Variants in ZFHX4 observed in about 807,000 individuals in gnomAD.
The protein encoded by ZFHX4 is zinc finger homeobox 4.
ZFHX4 carries 56 observed loss-of-function variants against 267.6 expected under a neutral mutation model. The ratio of observed to expected loss-of-function variants is 0.21; its 90% CI spans 0.17 to 0.26. The LOEUF (loss-of-function observed/expected upper bound fraction) is 0.26. ZFHX4 is among the 10% of genes least tolerant of loss of function. ZFHX4 has a pLI of 1.00. For synonymous variants in ZFHX4, 1,778 were observed against 1,665.6 expected (o/e 1.07, Z -1.64); for missense variants, 4,332 against 4,420.0 (o/e 0.98, Z 0.56).
At chr8:76,702,437 C>T (rs1409428683) in intron 1 of ZFHX4, among the ~76,000 whole-genome samples, 2 of 152,152 alleles carry the variant, frequency 1.3e-5, no homozygotes, top group Admixed American at 6.6e-5. Flanking sequence ...ATTCTTTATA[C>T]TTCATATGCC....
At chr8:76,762,027 G>A (rs557417470) in intron 3 of ZFHX4, among the ~76,000 whole-genome samples, 165 of 152,266 alleles carry the variant, frequency 1.1e-3, no homozygotes, top group Middle Eastern at 3.4e-3. Flanking sequence ...CTTTCTTGGA[G>A]TGGGTCTACT....
rs187671632 is a variant in ZFHX4 at position 76,843,526 on chromosome 8, T to A, written c.3511+755T>A. Among the ~76,000 whole-genome samples the A allele has an allele frequency of 4.0e-3, 614 of 152,274 alleles. 6 individuals are homozygous for A. Among genetic ancestry groups the A allele is most frequent in the African/African-American group, 0.014 (587 of 41,548 alleles). ...ACCTAAGGCTTTTTCTGTGTTTGATTTGGCAAATATATGACTTCATCCATG... is the reference window on the plus strand; with the variant it reads ...ACCTAAGGCTTTTTCTGTGTTTGATATGGCAAATATATGACTTCATCCATG... On this transcript the variant is annotated intron_variant, in intron 6 of 10. Transcript: ENST00000651372.
chr8:76,789,666 A>G (rs1014220727), intron 4 of ZFHX4, among the ~76,000 whole-genome samples: 6 of 152,080 alleles, frequency 3.9e-5, no homozygotes, highest in African/African-American at 1.2e-4. Context: ...CTCCATTTCA[A>G]TTTGTGGATT....
In ZFHX4 at chr8:76,851,415, A is replaced by G; in HGVS notation, c.4494A>G (p.Lys1498=). The part of the protein sequence containing the change: ...EREYEVDHEG[K]ASPVGSDSSS... ...AGTATGAGGTGGACCACGAAGGGAA[A>G]GCAAGTCCTGTAGGAAGTGATAGTA... Residue 1498 remains lysine, a synonymous_variant, in exon 10 of 11, where the codon AAA becomes AAG. Coordinates refer to ENST00000651372, the MANE Select transcript of ZFHX4 (RefSeq NM_024721.5). 1 of 1,613,922 alleles carries G rather than the reference A, an allele frequency of 6.2e-7. No individual in the cohort carries two copies. Among genetic ancestry groups the G allele is most frequent in the Non-Finnish European group, 8.5e-7 (1 of 1,179,864 alleles).
intron 8 of ZFHX4, chr8:76,849,961 A>G (rs568327256): frequency 3.4e-6 from 2 of 581,326 alleles, no homozygotes; most frequent in East Asian, 2.9e-5. Context: ...TATAATGTTC[A>G]TCAAATAACC....
chr8:76,768,741 G>A (rs944889836), intron 3 of ZFHX4, among the ~76,000 whole-genome samples: 6 of 152,118 alleles, frequency 3.9e-5, no homozygotes, highest in Admixed American at 2.0e-4. Flanking sequence ...TGCAGTATAG[G>A]TTTGGAGAGA....
At chr8:76,742,642 A>C (rs879269708) in intron 3 of ZFHX4, among the ~76,000 whole-genome samples, 1 of 152,232 alleles carries the variant, frequency 6.6e-6, no homozygotes, top group African/African-American at 2.4e-5. Context: ...TGTCTTCTGC[A>C]ATGCATGTTA....
At chr8:76,816,109 C>A (rs576193608) in intron 4 of ZFHX4, among the ~76,000 whole-genome samples, 6 of 152,306 alleles carry the variant, frequency 3.9e-5, no homozygotes, top group African/African-American at 1.2e-4. Flanking sequence ...GAAGCAGAGG[C>A]TCCCTGTAGT....
At chr8:76,688,161 T>C (rs1807738353) in intron 1 of ZFHX4, among the ~76,000 whole-genome samples, 1 of 152,146 alleles carries the variant, frequency 6.6e-6, no homozygotes, top group African/African-American at 2.4e-5. Context: ...GACTATTGGG[T>C]ATCAGGAATT....
At chr8:76,858,986 G>C (rs943936589) in intron 10 of ZFHX4, among the ~76,000 whole-genome samples, 1 of 152,074 alleles carries the variant, frequency 6.6e-6, no homozygotes, top group Non-Finnish European at 1.5e-5. Flanking sequence ...ACTAAAAATC[G>C]CTTCAGTGAA....
intron 4 of ZFHX4, among the ~76,000 whole-genome samples, chr8:76,785,752 G>C (rs1810670808): frequency 6.6e-6 from 1 of 152,172 alleles, no homozygotes; most frequent in Non-Finnish European, 1.5e-5. Context: ...GTGAGGTGGA[G>C]AATTGAGGCA....
At chr8:76,792,649 C>T (rs1272228380) in intron 4 of ZFHX4, among the ~76,000 whole-genome samples, 1 of 152,094 alleles carries the variant, frequency 6.6e-6, no homozygotes, top group Non-Finnish European at 1.5e-5. Flanking sequence ...TTATTTCTTC[C>T]AGGGAGTGCC....
At position 76,855,685 on chromosome 8, in the gene ZFHX4, A is replaced by G. The variant is rs756360516; in HGVS notation, c.8764A>G (p.Lys2922Glu). 1 of 1,613,942 alleles carries G rather than the reference A, an allele frequency of 6.2e-7. No homozygotes were observed. Among genetic ancestry groups the G allele is most frequent in the East Asian group, 2.2e-5 (1 of 44,828 alleles). Residue 2922 changes from lysine to glutamate, a missense_variant, in exon 10 of 11, where the codon AAA (lysine) becomes GAA (glutamate). By Grantham distance (56) the Lys-to-Glu change is moderately conservative. Coordinates refer to ENST00000651372, the MANE Select transcript of ZFHX4 (RefSeq NM_024721.5). ...PFGSSNPFKS[K>E]SNDRPGHKRF... ...CGGATCCAGCAATCCCTTTAAATCCAAAAGTAATGATCGGCCGGGTCACAA... is the reference window on the plus strand; with the variant it reads ...CGGATCCAGCAATCCCTTTAAATCCGAAAGTAATGATCGGCCGGGTCACAA...
chr8:76,741,589 A>G (rs778437162), intron 3 of ZFHX4, among the ~76,000 whole-genome samples: 3 of 152,182 alleles, frequency 2.0e-5, no homozygotes, highest in Non-Finnish European at 4.4e-5. Context: ...TCATCAATGT[A>G]TCTTTTGGGC....
chr8:76,709,487 T>C (rs1259043018), intron 3 of ZFHX4, among the ~76,000 whole-genome samples: 2 of 152,146 alleles, frequency 1.3e-5, no homozygotes, highest in Admixed American at 6.5e-5. Flanking sequence ...TTTTTTCTGT[T>C]GATACCTGGC....
chr8:76,804,584 A>C (rs7818907), intron 4 of ZFHX4, among the ~76,000 whole-genome samples: 1 of 152,050 alleles, frequency 6.6e-6, no homozygotes, highest in Non-Finnish European at 1.5e-5. Context: ...CTTTTCAAAC[A>C]TTACCTTTAA....
rs1398162916 is a variant in ZFHX4 at position 76,842,648 on chromosome 8, T to A, written c.3395-7T>A. The A allele has an allele frequency of 6.5e-7, 1 of 1,548,084 alleles. No individual in the cohort carries two copies. Among genetic ancestry groups the A allele is most frequent in the Admixed American group, 2.0e-5 (1 of 50,808 alleles). On this transcript the variant is annotated splice_region_variant and splice_polypyrimidine_tract_variant and intron_variant, in intron 5 of 10. Coordinates refer to ENST00000651372, the MANE Select transcript of ZFHX4 (RefSeq NM_024721.5). ...AGTTCTACTGATTGGTCTGCCTTTCTTAACAGAAGAACAAAGTGAGGAGGC... is the reference window on the plus strand; with the variant it reads ...AGTTCTACTGATTGGTCTGCCTTTCATAACAGAAGAACAAAGTGAGGAGGC...
chr8:76,785,019 T>C (rs992425845), intron 4 of ZFHX4, among the ~76,000 whole-genome samples: 2 of 152,122 alleles, frequency 1.3e-5, no homozygotes, highest in Non-Finnish European at 2.9e-5. Context: ...TATTTAAATT[T>C]GGTACTACCT....
chr8:76,730,215 A>G (rs1808966389), intron 3 of ZFHX4, among the ~76,000 whole-genome samples: 1 of 152,160 alleles, frequency 6.6e-6, no homozygotes, highest in Non-Finnish European at 1.5e-5. Flanking sequence ...CATCTGTATT[A>G]TTTTTAAAAA....
Sources: allele counts gnomAD v4.1 joint callset (sites outside exome capture counted in the v4.1 genomes callset), GRCh38; gene constraint gnomAD v4.1.1; transcripts MANE v1.5; gene names NCBI Gene and HGNC (gene_info 2026-07-23, HGNC 2026-07-21).